Variants in PHIP observed in about 807,000 individuals in gnomAD.
PHIP encodes PHIP subunit of CUL4-Ring ligase complex.
PHIP carries 54 observed loss-of-function variants against 236.8 expected under a neutral mutation model. The observed-to-expected ratio is 0.23, with a 90% CI of 0.18 to 0.29. PHIP has a LOEUF of 0.29. Ranked by LOEUF, PHIP falls within the 10% of genes least tolerant of loss-of-function variation. The pLI is 1.00. For synonymous variants in PHIP, 756 were observed against 718.9 expected, an observed-to-expected ratio of 1.05 and a Z score of -0.83; for missense variants, 1,370 against 2,190.8, an observed-to-expected ratio of 0.63 and a Z score of 7.48.
rs1223081077 is a variant in PHIP at position 79,002,017 on chromosome 6, G to A, written c.1761C>T (p.Pro587=). Residue 587 remains proline, a synonymous_variant, in exon 17 of 40, where the codon CCC becomes CCT. Transcript: ENST00000275034. The part of the protein sequence containing the change: ...QTQQAPHLMP[P]PFLVDVDGNP... ...TACCATCAACATCAACCAAAAAAGG[G>A]GGAGGCATAAGATGAGGTGCTTGCT... 2 of 1,613,110 alleles carry A rather than the reference G, an allele frequency of 1.2e-6. No individual in the cohort carries two copies. Among genetic ancestry groups the A allele is most frequent in the Non-Finnish European group, 1.7e-6 (2 of 1,179,452 alleles).
rs1396723825 is a variant in PHIP at position 79,022,927 on chromosome 6, A to G, written c.923+2592T>C. Among the ~76,000 whole-genome samples, 4 of 152,218 alleles carry G rather than the reference A, an allele frequency of 2.6e-5. No homozygotes were observed. The East Asian group carries it at 7.7e-4, about 29-fold the overall frequency. On this transcript the variant is annotated intron_variant, in intron 9 of 39. Transcript: ENST00000275034. ...TACAAAAGCATTATAGCTAAATACA[A>G]TTTTTGCCTTTGATTATTAATTAAA...
chr6:79,025,004 GCGA>G (rs1771325183), intron 9 of PHIP, among the ~76,000 whole-genome samples: 1 of 151,986 alleles, frequency 6.6e-6, no homozygotes, highest in Admixed American at 6.6e-5. Context: ...ATTAATATGG[GCGA>G]CCGCACAAAT....
chr6:78,999,490 C>T (rs1769851695), intron 17 of PHIP, among the ~76,000 whole-genome samples: 1 of 152,058 alleles, frequency 6.6e-6, no homozygotes. Flanking sequence ...CCCATTAGTT[C>T]CTCAAAAGCA....
Position 79,002,142 on chromosome 6 carries a change from C to A in PHIP, c.1654-18G>T. 6.5e-7 allele frequency: 1 copy of A among 1,534,184 alleles called. No individual in the cohort carries two copies. Among genetic ancestry groups the A allele is most frequent in the Non-Finnish European group, 9.0e-7 (1 of 1,116,936 alleles). On this transcript the variant is annotated intron_variant, in intron 16 of 39. Transcript: ENST00000275034. The stretch of plus-strand genomic sequence containing the variant: ...TCTGCTATCTGCAAAAAGAAAAGTC[C>A]ATAAAAGACTGGAAAAATAAAAATG...
In PHIP at chr6:78,941,115, T is replaced by C. The variant is rs1329552449; in HGVS notation, c.5044A>G (p.Ile1682Val). Reference sequence around the variant, plus strand: ...GAAGAAGGAAGTACTTCATCTCTGATGGGATGCACATTATTTTGCTCTAAA... The same window carrying C: ...GAAGAAGGAAGTACTTCATCTCTGACGGGATGCACATTATTTTGCTCTAAA... ...EDLEQNNVHP[I>V]RDEVLPSSTC... The change falls in exon 40 of 40, where the codon ATC becomes GTC. Residue 1682 changes from isoleucine (I) to valine (V), a missense_variant. This residue lies in a region of PHIP where 309 missense variants were observed against 328.3 expected (regional missense o/e 0.94). Coordinates refer to ENST00000275034, the MANE Select transcript of PHIP (RefSeq NM_017934.7). The C allele has an allele frequency of 2.5e-6, 4 of 1,614,002 alleles. No individual in the cohort carries two copies. Among genetic ancestry groups the C allele is most frequent in the South Asian group, 1.1e-5 (1 of 91,082 alleles).
chr6:79,003,960 A>C, intron 15 of PHIP, 102 bp from the exon 16 acceptor site: 1 of 691,992 alleles, frequency 1.4e-6, no homozygotes. Flanking sequence ...CATCCTAATG[A>C]AGTGAAGATT....
intron 15 of PHIP, among the ~76,000 whole-genome samples, chr6:79,006,211 A>G (rs1010894893): frequency 5.3e-5 from 8 of 151,984 alleles, no homozygotes; most frequent in African/African-American, 1.9e-4. Context: ...AGGTGCCTCT[A>G]ACTTCATCAA....
intron 6 of PHIP, among the ~76,000 whole-genome samples, chr6:79,056,417 C>A (rs1228975426): frequency 6.6e-6 from 1 of 152,100 alleles, no homozygotes; most frequent in Non-Finnish European, 1.5e-5. Flanking sequence ...GGGAAAAGGT[C>A]AGTCTTGTGT....
intron 6 of PHIP, among the ~76,000 whole-genome samples, chr6:79,051,397 G>A (rs1772789124): frequency 6.6e-6 from 1 of 152,128 alleles, no homozygotes; most frequent in Non-Finnish European, 1.5e-5. Context: ...AAGGAGGGCA[G>A]GTATTGGGAA....
chr6:79,032,829 G>A (rs374705276), intron 7 of PHIP, among the ~76,000 whole-genome samples: 2 of 151,634 alleles, frequency 1.3e-5, no homozygotes, highest in South Asian at 2.1e-4. Flanking sequence ...GGAGGTTTTC[G>A]ATGTACTTTG....
chr6:78,958,363 G>C (rs1369318655), intron 32 of PHIP, 112 bp downstream of exon 32: 1 of 664,980 alleles, frequency 1.5e-6, no homozygotes, highest in Admixed American at 2.8e-5. Flanking sequence ...GAGCTATTTT[G>C]GCTACTCTTA....
chr6:78,954,228 A>T (rs1170222608), intron 35 of PHIP, among the ~76,000 whole-genome samples: 2 of 151,216 alleles, frequency 1.3e-5, no homozygotes, highest in Non-Finnish European at 2.9e-5. Flanking sequence ...CAGCCTCCCA[A>T]GTAGCTGGGA....
At position 79,077,857 on chromosome 6, in the gene PHIP, G is replaced by C. The variant is rs767093546; in HGVS notation, c.97C>G (p.Gln33Glu). ...GCCCGCGCCGCGCGCCGCCGTACCT[G>C]AGCCGCCTGCTGACAGGGTCCATCT... ...LEDGPCQQAAQVLIREVAEKE... is the reference protein window; with the variant it reads ...LEDGPCQQAAEVLIREVAEKE... The change falls in exon 2 of 40, where the codon CAG becomes GAG. Residue 33 changes from glutamine to glutamate, a missense_variant and splice_region_variant. Transcript: ENST00000275034. 5.2e-6 allele frequency: 8 copies of C among 1,537,510 alleles called. No individual in the cohort carries two copies. The East Asian group carries it at 1.0e-4, about 20-fold the overall frequency.
chr6:78,960,786 G>GA (rs1766721822), intron 31 of PHIP, among the ~76,000 whole-genome samples: 1 of 151,964 alleles, frequency 6.6e-6, no homozygotes, highest in Non-Finnish European at 1.5e-5. Context: ...ACAGGCACAG[G>GA]ATAGCCCCTC....
chr6:79,034,394 TA>T (rs1293580940), intron 7 of PHIP, among the ~76,000 whole-genome samples: 1 of 152,130 alleles, frequency 6.6e-6, no homozygotes, highest in Non-Finnish European at 1.5e-5. Flanking sequence ...ACTTTGGTAT[TA>T]AAATTATCCT....
rs1004985661 is a variant in PHIP, at chr6:78,963,374, C to T, written c.3380-122G>A. 7 of 665,072 alleles carry T rather than the reference C, an allele frequency of 1.1e-5. No homozygotes were observed. In the African/African-American group the frequency reaches 1.2e-4, roughly 11 times the overall value. The allele number at this position is 665,072 out of a possible 1,614,324, so 41.2% of individuals were successfully genotyped here. On this transcript the variant is annotated intron_variant, in intron 29 of 39. Transcript: ENST00000275034. ...TATTTTGTATAGATTTGTAAATATA[C>T]TCTTTATTTTAACAAAGGAAAGTAT... is the stretch of plus-strand genomic sequence containing the variant.
intron 24 of PHIP, among the ~76,000 whole-genome samples, chr6:78,975,978 C>T (rs1446785425): frequency 6.6e-6 from 1 of 151,556 alleles, no homozygotes; most frequent in Non-Finnish European, 1.5e-5. Context: ...CAATGCCATC[C>T]CCATCAAGCT....
At chr6:78,995,878 G>T (rs1442334686) in intron 19 of PHIP, among the ~76,000 whole-genome samples, 1 of 152,208 alleles carries the variant, frequency 6.6e-6, no homozygotes, top group Non-Finnish European at 1.5e-5. Flanking sequence ...TTCTTAGGAA[G>T]ATTCCCATAG....
chr6:79,018,217 A>G (rs1770929827), intron 10 of PHIP, among the ~76,000 whole-genome samples: 1 of 151,950 alleles, frequency 6.6e-6, no homozygotes, highest in Non-Finnish European at 1.5e-5. Flanking sequence ...TGTCCTTGAA[A>G]AAGGAGTAAA....
Sources: allele counts gnomAD v4.1 joint callset (sites outside exome capture counted in the v4.1 genomes callset), GRCh38; gene constraint gnomAD v4.1.1; regional missense constraint gnomAD v4.1.1; transcripts MANE v1.5; gene names NCBI Gene and HGNC (gene_info 2026-07-23, HGNC 2026-07-21).